MYOM2: variants seen among roughly 807,000 people sequenced by gnomAD.
The protein encoded by MYOM2 is myomesin-2.
In MYOM2, 254 loss-of-function variants were observed where a neutral mutation model predicts 187.6. The observed-to-expected ratio is 1.35, with a 90% confidence interval of 1.22 to 1.50. The LOEUF (loss-of-function observed/expected upper bound fraction) is 1.50. Ranked by LOEUF, MYOM2 falls within the 40% of genes most tolerant of loss-of-function variation. MYOM2 has a pLI of 0.00. For missense variants in MYOM2, 2,796 were observed against 1,924.0 expected (o/e 1.45, Z -8.48); for synonymous variants, 981 against 753.8 (o/e 1.30, Z -4.94).
intron 6 of MYOM2, among the ~76,000 whole-genome samples, chr8:2,068,489 A>T (rs1241982598): frequency 1.3e-5 from 2 of 148,188 alleles, no homozygotes; most frequent in Non-Finnish European, 3.0e-5. Context: ...GCAGCTCTTC[A>T]ATGCCCGTGT....
At chr8:2,055,847 C>A (rs1403712190) in intron 3 of MYOM2, among the ~76,000 whole-genome samples, 1 of 152,160 alleles carries the variant, frequency 6.6e-6, no homozygotes, top group Non-Finnish European at 1.5e-5. Context: ...ATGCTACGGT[C>A]CCCTCCAGCT....
intron 24 of MYOM2, 75 bp downstream of exon 24, chr8:2,108,905 C>G (rs1201792756): frequency 2.1e-6 from 3 of 1,408,950 alleles, no homozygotes; most frequent in Middle Eastern, 1.8e-4. Context: ...TGCATGAGCT[C>G]TTGGAAGAAC....
intron 3 of MYOM2, among the ~76,000 whole-genome samples, chr8:2,055,935 C>T (rs538714639): frequency 1.2e-3 from 190 of 152,192 alleles, no homozygotes; most frequent in African/African-American, 1.6e-3. Context: ...CCACAGGCGG[C>T]GCTCCGGCTC....
chr8:2,114,219 G>T (rs970818282), intron 25 of MYOM2, among the ~76,000 whole-genome samples: 1 of 152,214 alleles, frequency 6.6e-6, no homozygotes, highest in Non-Finnish European at 1.5e-5. Context: ...GAACTCCAAG[G>T]CATGAAATGT....
intron 21 of MYOM2, 27 bp downstream of exon 21, chr8:2,102,808 A>T: frequency 6.5e-7 from 1 of 1,530,146 alleles, no homozygotes; most frequent in Non-Finnish European, 9.0e-7. Flanking sequence ...AAACTACAAA[A>T]CAGCAATGAT....
chr8:2,093,978 T>C lies in MYOM2; in HGVS notation c.2012T>C (p.Val671Ala), dbSNP rs773097256. Residue 671 changes from valine (V) to alanine (A), a missense_variant, in exon 17 of 37, where the codon GTG (valine) becomes GCG (alanine). Physicochemically the swap from Val to Ala is moderately conservative, Grantham distance 64. Coordinates refer to ENST00000262113, the MANE Select transcript of MYOM2 (RefSeq NM_003970.4). ...ATCCCTGTGTTTCTCAGGTTCGTGG[T>C]GCACGGCTTAACCACGGGAGAGCAG... ...HKPIGYNRFV[V>A]HGLTTGEQYI... The C allele has an allele frequency of 6.2e-7, 1 of 1,614,152 alleles. No individual in the cohort carries two copies. The highest frequency in any genetic ancestry group is 1.3e-5 in the African/African-American group (1 of 75,050).
chr8:2,123,009 G>A (rs1043883897), intron 28 of MYOM2, among the ~76,000 whole-genome samples: 3 of 152,156 alleles, frequency 2.0e-5, no homozygotes, highest in Admixed American at 6.6e-5. Context: ...CTAGAATGAC[G>A]AGAATCATTT....
Position 2,093,163 on chromosome 8 carries a change from C to A in MYOM2, c.2003+643C>A, listed in dbSNP as rs374661205. Reference sequence around the variant, plus strand: ...GATAGATGATCAATTATGGCTCAGCCATTTCTCCTTTTAAAATCTGAAAAA... The same window carrying A: ...GATAGATGATCAATTATGGCTCAGCAATTTCTCCTTTTAAAATCTGAAAAA... On this transcript the variant is annotated intron_variant, in intron 16 of 36. Coordinates refer to ENST00000262113, the MANE Select transcript of MYOM2 (RefSeq NM_003970.4). Among the ~76,000 whole-genome samples, 28 of 152,174 alleles carry A rather than the reference C, an allele frequency of 1.8e-4. 1 individual carries two copies. The highest frequency in any genetic ancestry group is 1.1e-3 in the Admixed American group (17 of 15,280).
At chr8:2,046,525 G>A (rs979863353) in intron 1 of MYOM2, among the ~76,000 whole-genome samples, 1 of 151,992 alleles carries the variant, frequency 6.6e-6, no homozygotes, top group African/African-American at 2.4e-5. Context: ...ACAGTACAGC[G>A]TGGCGCCAGG....
intron 25 of MYOM2, among the ~76,000 whole-genome samples, chr8:2,111,186 C>A (rs1022126146): frequency 6.6e-6 from 1 of 152,190 alleles, no homozygotes; most frequent in Non-Finnish European, 1.5e-5. Flanking sequence ...CATGGCTAAT[C>A]TTTTGGAATA....
At chr8:2,049,042 T>C (rs1051736361) in intron 1 of MYOM2, among the ~76,000 whole-genome samples, 21 of 152,174 alleles carry the variant, frequency 1.4e-4, no homozygotes, top group African/African-American at 2.9e-4. Context: ...CCACCCGCCT[T>C]GGCCTCCCAA....
chr8:2,097,798 T>A (rs1246079604), intron 18 of MYOM2, among the ~76,000 whole-genome samples: 1 of 152,248 alleles, frequency 6.6e-6, no homozygotes, highest in Non-Finnish European at 1.5e-5. Flanking sequence ...ATTACAGGCG[T>A]GAGTCACTGT....
intron 25 of MYOM2, among the ~76,000 whole-genome samples, chr8:2,113,783 C>T (rs1235749408): frequency 6.6e-6 from 1 of 152,226 alleles, no homozygotes; most frequent in Non-Finnish European, 1.5e-5. Flanking sequence ...ACCACAGCCA[C>T]CTCAATGCCA....
chr8:2,101,199 T>A, intron 20 of MYOM2, 145 bp downstream of exon 20: 1 of 780,220 alleles, frequency 1.3e-6, no homozygotes, highest in Non-Finnish European at 2.0e-6. Flanking sequence ...TACAAAAAAA[T>A]TAGCCGGGCA....
chr8:2,101,391 C>A (rs11994443), intron 20 of MYOM2, among the ~76,000 whole-genome samples: 99,554 of 152,066 alleles, frequency 0.65, 33,144 homozygotes, highest in Non-Finnish European at 0.71. Flanking sequence ...ACAAACTAAC[C>A]ACAAAAAATA....
intron 3 of MYOM2, among the ~76,000 whole-genome samples, 184 bp from the exon 4 acceptor site, chr8:2,057,164 C>A (rs369962470): frequency 1.3e-5 from 2 of 152,224 alleles, no homozygotes; most frequent in African/African-American, 4.8e-5. Context: ...GCATGGCATT[C>A]ACACACCAAA....
At chr8:2,076,459 G>A (rs1331233899) in intron 11 of MYOM2, 177 bp downstream of exon 11, 2 of 812,238 alleles carry the variant, frequency 2.5e-6, no homozygotes, top group Admixed American at 3.2e-5. Flanking sequence ...ATACGGCCAA[G>A]TAGGCTGAGC....
intron 15 of MYOM2, among the ~76,000 whole-genome samples, chr8:2,091,206 T>C (rs979380634): frequency 6.6e-6 from 1 of 151,956 alleles, no homozygotes; most frequent in Non-Finnish European, 1.5e-5. Context: ...TAATGCTTTT[T>C]TAAAAAAATT....
intron 6 of MYOM2, among the ~76,000 whole-genome samples, chr8:2,066,723 G>T (rs991749357): frequency 1.3e-5 from 2 of 152,176 alleles, no homozygotes; most frequent in African/African-American, 4.8e-5. Context: ...TATTATGTGT[G>T]AATTATATGG....
Sources: gnomAD v4.1 joint callset for allele counts (sites outside exome capture counted in the v4.1 genomes callset) on GRCh38, gnomAD v4.1.1 for gene constraint, MANE v1.5 for transcripts, NCBI Gene and HGNC (gene_info 2026-07-23, HGNC 2026-07-21) for gene names.